MME: variants seen among roughly 807,000 people sequenced by gnomAD.
MME encodes the protein neprilysin.
MME carries 98 observed loss-of-function variants against 113.2 expected under a neutral mutation model. The ratio of observed to expected loss-of-function variants is 0.87; its 90% CI spans 0.74 to 1.02. The LOEUF (loss-of-function observed/expected upper bound fraction) is 1.02. MME is among the 50% of genes least tolerant of loss of function. The pLI is 0.00. For synonymous variants in MME, 292 were observed against 300.6 expected, an observed-to-expected ratio of 0.97 and a Z score of 0.30; for missense variants, 836 against 896.0, an observed-to-expected ratio of 0.93 and a Z score of 0.86.
At chr3:155,144,908 G>C (rs1044381595) in intron 14 of MME, among the ~76,000 whole-genome samples, 1 of 152,022 alleles carries the variant, frequency 6.6e-6, no homozygotes, top group Non-Finnish European at 1.5e-5. Context: ...AATAACTAGG[G>C]GGAACATGTC....
intron 3 of MME, among the ~76,000 whole-genome samples, chr3:155,104,120 C>T (rs17383987): frequency 0.13 from 20,154 of 152,116 alleles, 1,365 homozygotes; most frequent in Non-Finnish European, 0.15. Flanking sequence ...TAAGATGAAA[C>T]CCTGCAAGCT....
intron 16 of MME, among the ~76,000 whole-genome samples, 168 bp downstream of exon 16, chr3:155,148,821 G>T (rs186315326): frequency 1.3e-5 from 2 of 152,086 alleles, no homozygotes; most frequent in Non-Finnish European, 2.9e-5. Flanking sequence ...TAAAGATATG[G>T]ATCAAGACTT....
intron 16 of MME, among the ~76,000 whole-genome samples, chr3:155,155,178 T>C (rs779931849): frequency 6.6e-6 from 1 of 152,168 alleles, no homozygotes; most frequent in Non-Finnish European, 1.5e-5. Flanking sequence ...TTGTTTTGTT[T>C]TCCAGAGGGG....
chr3:155,053,791 C>A (rs1454158547), intron 1 of MME, among the ~76,000 whole-genome samples: 1 of 152,172 alleles, frequency 6.6e-6, no homozygotes, highest in African/African-American at 2.4e-5. Context: ...ACTCTGAGGG[C>A]AGAACCACAG....
intron 1 of MME, among the ~76,000 whole-genome samples, chr3:155,062,059 A>T (rs1236113836): frequency 6.6e-6 from 1 of 152,012 alleles, no homozygotes; most frequent in Non-Finnish European, 1.5e-5. Flanking sequence ...ACCCTTTAAC[A>T]TTTTTATTTC....
At chr3:155,148,067 G>A (rs142642227) in intron 15 of MME, among the ~76,000 whole-genome samples, 61 of 152,192 alleles carry the variant, frequency 4.0e-4, no homozygotes, top group African/African-American at 1.5e-3. Flanking sequence ...TTTAAACTTG[G>A]TCGAGTGACT....
chr3:155,118,905 C>A, intron 8 of MME, 94 bp downstream of exon 8: 2 of 836,136 alleles, frequency 2.4e-6, no homozygotes, highest in Non-Finnish European at 2.0e-6. Context: ...TAAATTTAGC[C>A]CTCTGATGTT....
chr3:155,115,261 A>G (rs978904342), intron 4 of MME, 106 bp downstream of exon 4: 5 of 1,390,996 alleles, frequency 3.6e-6, no homozygotes, highest in Non-Finnish European at 5.0e-6. Context: ...AAGATTAAAA[A>G]GTTAATAATC....
At chr3:155,068,122 C>T (rs895773379) in intron 1 of MME, among the ~76,000 whole-genome samples, 2 of 152,234 alleles carry the variant, frequency 1.3e-5, no homozygotes, top group Middle Eastern at 3.4e-3. Flanking sequence ...ACTAATGCTA[C>T]TATGTGAATG....
At chr3:155,043,810 C>T (rs1377697983) in intron 1 of MME, among the ~76,000 whole-genome samples, 3 of 152,074 alleles carry the variant, frequency 2.0e-5, no homozygotes, top group Non-Finnish European at 4.4e-5. Flanking sequence ...GACAAGTCTT[C>T]TGCTGTCACT....
chr3:155,036,632 G>C (rs1398152039), intron 1 of MME, among the ~76,000 whole-genome samples: 3 of 151,756 alleles, frequency 2.0e-5, no homozygotes, highest in Admixed American at 2.0e-4. Context: ...TTTTATTATT[G>C]AGTTGTAAGA....
intron 17 of MME, 69 bp downstream of exon 17, chr3:155,160,517 C>A: frequency 9.9e-7 from 1 of 1,010,846 alleles, no homozygotes; most frequent in Non-Finnish European, 1.6e-6. Context: ...CATTGTATGA[C>A]CAATTACAAT....
chr3:155,157,646 CTTAT>C (rs1350210418), intron 16 of MME, among the ~76,000 whole-genome samples: 1 of 152,014 alleles, frequency 6.6e-6, no homozygotes, highest in East Asian at 1.9e-4. Flanking sequence ...TTATCATCAC[CTTAT>C]TTAAGATGTA....
intron 8 of MME, among the ~76,000 whole-genome samples, chr3:155,135,575 T>A (rs1406001361): frequency 6.6e-6 from 1 of 152,208 alleles, no homozygotes; most frequent in Non-Finnish European, 1.5e-5. Context: ...ATGTGATGCC[T>A]CCAGTCTTGT....
At chr3:155,178,436 C>T (rs541804462) in intron 22 of MME, among the ~76,000 whole-genome samples, 11 of 152,174 alleles carry the variant, frequency 7.2e-5, no homozygotes, top group African/African-American at 2.4e-4. Flanking sequence ...CCAGTTGGTC[C>T]ATAATATCAA....
intron 8 of MME, among the ~76,000 whole-genome samples, chr3:155,130,717 G>A (rs985861012): frequency 6.6e-6 from 1 of 152,160 alleles, no homozygotes. Context: ...CTGGAACTGG[G>A]ATTAAACAAG....
chr3:155,160,234 T>G (rs1441758735), intron 16 of MME, among the ~76,000 whole-genome samples, 156 bp from the exon 17 acceptor site: 2 of 152,112 alleles, frequency 1.3e-5, no homozygotes, highest in Non-Finnish European at 2.9e-5. Context: ...TGCTTTCAAA[T>G]GAGCTCTCAC....
intron 3 of MME, among the ~76,000 whole-genome samples, chr3:155,110,273 G>C (rs1156369016): frequency 3.3e-5 from 5 of 152,162 alleles, no homozygotes; most frequent in Non-Finnish European, 7.3e-5. Flanking sequence ...ACATGCTTAA[G>C]TGCAAGCCTT....
chr3:155,128,062 C>T (rs1032820702), intron 8 of MME, among the ~76,000 whole-genome samples: 23 of 152,172 alleles, frequency 1.5e-4, no homozygotes, highest in Non-Finnish European at 1.5e-4. Flanking sequence ...TTCCTGCTAA[C>T]CTGAGATCTC....
Sources: allele counts gnomAD v4.1 joint callset (sites outside exome capture counted in the v4.1 genomes callset), GRCh38; gene constraint gnomAD v4.1.1; transcripts MANE v1.5; gene names NCBI Gene and HGNC (gene_info 2026-07-23, HGNC 2026-07-21).